Variants in JAM3 observed in about 807,000 individuals in gnomAD.
The protein encoded by JAM3 is junctional adhesion molecule C.
A neutral mutation model predicts 39.4 loss-of-function variants in JAM3; 31 were observed. The ratio of observed to expected loss-of-function variants is 0.79; its 90% confidence interval spans 0.59 to 1.06. The LOEUF is 1.06. JAM3 is among the 50% of genes least tolerant of loss of function. The probability of loss-of-function intolerance (pLI) is 0.00; values close to 1 mark genes in which losing one functional copy is unlikely to be tolerated. For missense variants in JAM3, 455 were observed against 391.4 expected (o/e 1.16, Z -1.37); for synonymous variants, 182 against 148.7 (o/e 1.22, Z -1.63).
chr11:134,085,009 G>A (rs1787850087), intron 1 of JAM3, among the ~76,000 whole-genome samples: 1 of 152,032 alleles, frequency 6.6e-6, no homozygotes, highest in South Asian at 2.1e-4. Context: ...GTTCTTGCTG[G>A]GCATCTCAGT....
chr11:134,107,154 A>C (rs1033599687), intron 1 of JAM3, among the ~76,000 whole-genome samples: 1 of 152,234 alleles, frequency 6.6e-6, no homozygotes, highest in African/African-American at 2.4e-5. Context: ...ATGCAGCCAT[A>C]AAAAATGATG....
chr11:134,143,214 C>T (rs926554294), intron 3 of JAM3, among the ~76,000 whole-genome samples: 1 of 152,140 alleles, frequency 6.6e-6, no homozygotes, highest in Admixed American at 6.5e-5. Context: ...CTCCTACCAG[C>T]AGTGTATTTT....
In JAM3 at chr11:134,111,436, G is replaced by A. The variant is rs537146024; in HGVS notation, c.77-28415G>A. Reference sequence around the variant, plus strand: ...CTTTTAACTATGGAAAAATACCAGTGAAAATCAAGGCATTCATTTTGTGCC... The same window carrying A: ...CTTTTAACTATGGAAAAATACCAGTAAAAATCAAGGCATTCATTTTGTGCC... On this transcript the variant is annotated intron_variant, in intron 1 of 8. Transcript: ENST00000299106. Among the ~76,000 whole-genome samples the A allele has an allele frequency of 9.2e-5, 14 of 152,050 alleles. No individual in the cohort carries two copies. In the East Asian group the frequency reaches 2.5e-3, roughly 27 times the overall value.
Position 134,140,807 on chromosome 11 carries a change from C to T in JAM3, c.256+37C>T, listed in dbSNP as rs756507254. The T allele has an allele frequency of 7.6e-6, 12 of 1,587,468 alleles. No homozygotes were observed. In the South Asian group the frequency reaches 1.4e-4, roughly 18 times the overall value. The stretch of plus-strand genomic sequence containing the variant: ...TAGTCCTCTTGCCTGCTGACCTTTC[C>T]TCTGTCCATAGACCTGGGTATACAC... On this transcript the variant is annotated intron_variant, in intron 3 of 8. Coordinates refer to ENST00000299106, the MANE Select transcript of JAM3 (RefSeq NM_032801.5).
intron 1 of JAM3, among the ~76,000 whole-genome samples, chr11:134,099,584 C>T (rs1346162929): frequency 6.6e-6 from 1 of 152,114 alleles, no homozygotes; most frequent in Non-Finnish European, 1.5e-5. Flanking sequence ...CTGCCCTTTG[C>T]CTCCTGTATT....
chr11:134,072,713 C>T (rs1182597176), intron 1 of JAM3, among the ~76,000 whole-genome samples: 6 of 152,294 alleles, frequency 3.9e-5, no homozygotes, highest in Non-Finnish European at 7.3e-5. Context: ...AGATCAAGAA[C>T]ATCTTGGCCA....
intron 2 of JAM3, 98 bp downstream of exon 2, chr11:134,140,014 C>A: frequency 1.0e-6 from 1 of 984,738 alleles, no homozygotes; most frequent in Non-Finnish European, 1.6e-6. Context: ...GTAAGTGTGC[C>A]AGGGAGATGT....
intron 5 of JAM3, 65 bp downstream of exon 5, chr11:134,145,059 A>G: frequency 7.6e-7 from 1 of 1,317,868 alleles, no homozygotes; most frequent in Non-Finnish European, 1.1e-6. Context: ...GCTTATTGTG[A>G]AAAGAAGATT....
In JAM3 at chr11:134,151,056, T is replaced by G. The variant is rs1943215176; in HGVS notation, c.*1875T>G. ...CTCAGCCTCACATGCCCTGCCGTGC[T>G]GGACTCAGGACTGAAGTGCTGTAAA... is the stretch of plus-strand genomic sequence containing the variant. On this transcript the variant is annotated 3_prime_UTR_variant, in exon 9 of 9. Coordinates refer to ENST00000299106, the MANE Select transcript of JAM3 (RefSeq NM_032801.5). The G allele has an allele frequency of 1.3e-5, 2 of 152,306 alleles. No homozygotes were observed. The highest frequency in any genetic ancestry group is 2.9e-5 in the Non-Finnish European group (2 of 68,072). 9.4% of individuals were successfully genotyped at this position (152,306 alleles called of 1,614,324 possible). A position where few individuals can be genotyped will look rare whatever the true frequency, so the allele number is the denominator to read the frequency against.
At chr11:134,093,180 C>G (rs1340321095) in intron 1 of JAM3, among the ~76,000 whole-genome samples, 3 of 132,816 alleles carry the variant, frequency 2.3e-5, no homozygotes, top group Non-Finnish European at 1.6e-5. Flanking sequence ...GGAAGCTTCT[C>G]CTGAACCCTC....
At chr11:134,123,454 C>A (rs958670089) in intron 1 of JAM3, among the ~76,000 whole-genome samples, 2 of 152,066 alleles carry the variant, frequency 1.3e-5, no homozygotes, top group East Asian at 1.9e-4. Flanking sequence ...AGAGTGTGCT[C>A]CCCAGACAGA....
chr11:134,089,461 C>T (rs1441398086), intron 1 of JAM3, among the ~76,000 whole-genome samples: 1 of 152,032 alleles, frequency 6.6e-6, no homozygotes, highest in East Asian at 1.9e-4. Flanking sequence ...TCCCCCCATC[C>T]CTGTACCCCA....
intron 1 of JAM3, among the ~76,000 whole-genome samples, chr11:134,094,689 C>G (rs528945751): frequency 6.6e-6 from 1 of 152,328 alleles, no homozygotes; most frequent in South Asian, 2.1e-4. Flanking sequence ...CCTGATCTCT[C>G]AGATTCACAC....
At chr11:134,117,520 G>T (rs1002919629) in intron 1 of JAM3, among the ~76,000 whole-genome samples, 5 of 152,174 alleles carry the variant, frequency 3.3e-5, no homozygotes, top group Non-Finnish European at 7.3e-5. Flanking sequence ...GAACATCTCA[G>T]AATTCAACTG....
chr11:134,125,448 GCTTT>G (rs1942630412), intron 1 of JAM3, among the ~76,000 whole-genome samples: 1 of 152,128 alleles, frequency 6.6e-6, no homozygotes, highest in Non-Finnish European at 1.5e-5. Context: ...TTTATTTGTT[GCTTT>G]CTTTTTTAGT....
intron 1 of JAM3, among the ~76,000 whole-genome samples, chr11:134,134,084 G>A (rs537490781): frequency 3.3e-5 from 5 of 152,100 alleles, no homozygotes; most frequent in African/African-American, 1.2e-4. Context: ...GAATCAAAAC[G>A]AAACACTAGA....
At chr11:134,125,356 G>C (rs11223703) in intron 1 of JAM3, among the ~76,000 whole-genome samples, 26,843 of 152,124 alleles carry the variant, frequency 0.18, 2,482 homozygotes, top group African/African-American at 0.21. Context: ...TCCAAGATAG[G>C]GTTTTACTCA....
intron 1 of JAM3, among the ~76,000 whole-genome samples, chr11:134,073,924 T>C (rs1941523035): frequency 6.6e-6 from 1 of 152,190 alleles, no homozygotes; most frequent in Non-Finnish European, 1.5e-5. Flanking sequence ...TAGGAACTTC[T>C]GGAAAAGTGT....
chr11:134,133,036 T>C (rs1408372067), intron 1 of JAM3, among the ~76,000 whole-genome samples: 1 of 152,112 alleles, frequency 6.6e-6, no homozygotes, highest in Non-Finnish European at 1.5e-5. Flanking sequence ...CTAAGAAGAG[T>C]TGATTTTCAG....
Sources: allele counts gnomAD v4.1 joint callset (sites outside exome capture counted in the v4.1 genomes callset), GRCh38; gene constraint gnomAD v4.1.1; transcripts MANE v1.5; gene names NCBI Gene and HGNC (gene_info 2026-07-23, HGNC 2026-07-21).